Variants in HECW2 observed in about 807,000 individuals in gnomAD.
HECW2 encodes the protein E3 ubiquitin-protein ligase HECW2.
Under a neutral mutation model 175.2 loss-of-function variants are expected in HECW2, and 61 were observed. The observed-to-expected ratio is 0.35, with a 90% CI of 0.28 to 0.43. The LOEUF (loss-of-function observed/expected upper bound fraction) is 0.43, where lower values mean the gene tolerates loss of function less well. Ranked by LOEUF, HECW2 falls within the 20% of genes least tolerant of loss-of-function variation. The pLI is 1.00. For synonymous variants in HECW2, 671 were observed against 731.0 expected (o/e 0.92, Z 1.32); for missense variants, 1,524 against 2,000.5 (o/e 0.76, Z 4.54).
intron 2 of HECW2, among the ~76,000 whole-genome samples, chr2:196,401,606 A>G (rs1342908727): frequency 6.6e-6 from 1 of 152,246 alleles, no homozygotes; most frequent in Non-Finnish European, 1.5e-5. Flanking sequence ...ATTTCAAAAT[A>G]TTAGGTTCAG....
chr2:196,370,887 C>G (rs892824202), intron 2 of HECW2, among the ~76,000 whole-genome samples: 2 of 152,218 alleles, frequency 1.3e-5, no homozygotes, highest in African/African-American at 4.8e-5. Context: ...GTGCCACTTG[C>G]TGCTGCTGGA....
chr2:196,331,201 T>C (rs1692345343), intron 4 of HECW2: 12 of 985,262 alleles, frequency 1.2e-5, no homozygotes, highest in Non-Finnish European at 1.4e-5. Flanking sequence ...TTTCCTTCCA[T>C]CTATAGATCC....
intron 1 of HECW2, among the ~76,000 whole-genome samples, chr2:196,444,159 C>T (rs543790979): frequency 1.3e-5 from 2 of 152,316 alleles, no homozygotes; most frequent in Admixed American, 1.3e-4. Flanking sequence ...CGGAAGATAT[C>T]TTTTCTCTTT....
chr2:196,392,774 T>C (rs908445488), intron 2 of HECW2, among the ~76,000 whole-genome samples: 4 of 152,134 alleles, frequency 2.6e-5, no homozygotes, highest in Non-Finnish European at 5.9e-5. Flanking sequence ...ACTATTTACA[T>C]ACAAAAGATT....
rs201469715 is a variant in HECW2 at position 196,319,814 on chromosome 2, C to T, written c.1076G>A (p.Gly359Glu). The T allele has an allele frequency of 5.3e-5, 86 of 1,614,160 alleles. No homozygotes were observed. In the East Asian group the frequency reaches 1.5e-3, roughly 29 times the overall value. The stretch of plus-strand genomic sequence containing the variant: ...GCACACCTGGCTGTCGTGATGGCTC[C>T]CTGGCATGTCCTCGTCATCGGAAGG... ...GSPSDDEDMP[G>E]SHHDSQVCSN... The change falls in exon 9 of 29, where the codon GGG (glycine) becomes GAG (glutamate). Residue 359 changes from glycine to glutamate, a missense_variant. Physicochemically the swap from Gly to Glu is moderately conservative, Grantham distance 98. This residue lies in a region of HECW2 where 604 missense variants were observed against 588.3 expected (regional missense o/e 1.03). Transcript: ENST00000644978.
At chr2:196,222,954 G>T (rs1158744743) in intron 23 of HECW2, among the ~76,000 whole-genome samples, 1 of 152,026 alleles carries the variant, frequency 6.6e-6, no homozygotes, top group African/African-American at 2.4e-5. Flanking sequence ...TAATTGTAGA[G>T]AAAGAATCGA....
chr2:196,449,831 AT>A (rs140132766), intron 1 of HECW2, among the ~76,000 whole-genome samples: 18,510 of 151,618 alleles, frequency 0.12, 1,433 homozygotes, highest in African/African-American at 0.22. Context: ...TCATTAATCC[AT>A]TTTTTTTTAA....
chr2:196,302,762 T>C (rs554354402), intron 13 of HECW2, among the ~76,000 whole-genome samples: 23 of 152,362 alleles, frequency 1.5e-4, no homozygotes, highest in African/African-American at 5.1e-4. Flanking sequence ...TTTTGCACAC[T>C]GATTTTGTAT....
chr2:196,452,929 A>C (rs988451130), intron 1 of HECW2, among the ~76,000 whole-genome samples: 7 of 152,204 alleles, frequency 4.6e-5, no homozygotes, highest in Non-Finnish European at 7.3e-5. Context: ...GGAATACAAA[A>C]AATGAGACTA....
chr2:196,267,837 C>G (rs1271865611), intron 17 of HECW2, among the ~76,000 whole-genome samples: 1 of 152,154 alleles, frequency 6.6e-6, no homozygotes, highest in East Asian at 1.9e-4. Context: ...CCACTTTTAT[C>G]ATTATATTAT....
At chr2:196,419,887 A>C (rs1012226131) in intron 2 of HECW2, among the ~76,000 whole-genome samples, 1 of 152,186 alleles carries the variant, frequency 6.6e-6, no homozygotes, top group African/African-American at 2.4e-5. Flanking sequence ...CCTCAGAGCC[A>C]CTGTATTATT....
At chr2:196,379,619 A>T (rs1559077277) in intron 2 of HECW2, among the ~76,000 whole-genome samples, 3 of 148,424 alleles carry the variant, frequency 2.0e-5, no homozygotes, top group Admixed American at 6.8e-5. Flanking sequence ...CGGGAGGCAG[A>T]GCTTGCAGTG....
intron 2 of HECW2, among the ~76,000 whole-genome samples, chr2:196,396,672 T>C (rs1694668241): frequency 6.6e-6 from 1 of 152,212 alleles, no homozygotes; most frequent in Non-Finnish European, 1.5e-5. Context: ...GGCATTTCCT[T>C]AGAGGCTCTG....
At chr2:196,526,450 G>C (rs1356851156) in intron 1 of HECW2, among the ~76,000 whole-genome samples, 1 of 151,318 alleles carries the variant, frequency 6.6e-6, no homozygotes, top group Non-Finnish European at 1.5e-5. Context: ...AGAGTAATTT[G>C]ATCGTCTGAA....
chr2:196,494,527 T>C (rs1392723663), intron 1 of HECW2, among the ~76,000 whole-genome samples: 1 of 152,076 alleles, frequency 6.6e-6, no homozygotes, highest in Non-Finnish European at 1.5e-5. Flanking sequence ...AAGGGAGAAG[T>C]TTAGGAAGGT....
At chr2:196,336,775 C>T (rs1335417913) in intron 3 of HECW2, among the ~76,000 whole-genome samples, 1 of 152,072 alleles carries the variant, frequency 6.6e-6, no homozygotes, top group Non-Finnish European at 1.5e-5. Flanking sequence ...AGTAGAATCC[C>T]TGAAACTAAG....
At chr2:196,486,122 G>C (rs1448462287) in intron 1 of HECW2, among the ~76,000 whole-genome samples, 2 of 152,168 alleles carry the variant, frequency 1.3e-5, no homozygotes, top group Non-Finnish European at 2.9e-5. Context: ...TCTAGATTGG[G>C]ATACTGGCTA....
Position 196,364,672 on chromosome 2 carries a change from A to G in HECW2, c.293-20908T>C, listed in dbSNP as rs150014953. On this transcript the variant is annotated intron_variant, in intron 2 of 28. Transcript: ENST00000644978. ...ATGATATCATATGGTGCTAGGCACT[A>G]GGAGGTAGCTGAGAACAAAATAAAC... Among the ~76,000 whole-genome samples the G allele has an allele frequency of 6.6e-3, 1,000 of 152,352 alleles. 8 individuals are homozygous for G. Among genetic ancestry groups the G allele is most frequent in the Middle Eastern group, 0.02 (6 of 294 alleles).
intron 28 of HECW2, among the ~76,000 whole-genome samples, chr2:196,215,294 A>G (rs1415861429): frequency 6.6e-6 from 1 of 152,246 alleles, no homozygotes; most frequent in African/African-American, 2.4e-5. Flanking sequence ...TGAACACCCA[A>G]TTATCACACT....
Sources: gnomAD v4.1 joint callset for allele counts (sites outside exome capture counted in the v4.1 genomes callset) on GRCh38, gnomAD v4.1.1 for gene constraint, gnomAD v4.1.1 regional missense constraint, MANE v1.5 for transcripts, NCBI Gene and HGNC (gene_info 2026-07-23, HGNC 2026-07-21) for gene names.